RBM25: variants seen among roughly 807,000 people sequenced by gnomAD.
RBM25 encodes the protein RNA binding motif protein 25, also known as RNA-binding protein 25.
A neutral mutation model predicts 120.7 loss-of-function variants in RBM25; 19 were observed. That is an observed-to-expected ratio of 0.16 (90% confidence interval 0.11 to 0.23). The LOEUF (loss-of-function observed/expected upper bound fraction) is 0.23. Ranked by LOEUF, RBM25 falls within the 10% of genes least tolerant of loss-of-function variation. The probability of loss-of-function intolerance (pLI) is 1.00; values close to 1 mark genes in which losing one functional copy is unlikely to be tolerated. For missense variants in RBM25, 605 were observed against 1,041.5 expected, an observed-to-expected ratio of 0.58 and a Z score of 5.77; for synonymous variants, 390 against 326.7, an observed-to-expected ratio of 1.19 and a Z score of -2.09.
In RBM25 at chr14:73,096,008, C is replaced by T. The variant is rs554854262; in HGVS notation, c.544-907C>T. ...AATTATTATTATTGAGATGGAGTTT[C>T]GCTCTTTTGCCCAGGCTGGAGTGCA... On this transcript the variant is annotated intron_variant, in intron 6 of 18. Transcript: ENST00000261973. Among the ~76,000 whole-genome samples, 8 of 152,210 alleles carry T rather than the reference C, an allele frequency of 5.3e-5. No individual in the cohort carries two copies. In the East Asian group the frequency reaches 9.6e-4, roughly 18 times the overall value.
chr14:73,098,015 G>A (rs1304956060), intron 7 of RBM25, among the ~76,000 whole-genome samples: 1 of 152,174 alleles, frequency 6.6e-6, no homozygotes, highest in African/African-American at 2.4e-5. Context: ...TGTAGTCCCA[G>A]CAACTTGGGA....
At chr14:73,065,873 G>T (rs1895120667) in intron 1 of RBM25, among the ~76,000 whole-genome samples, 9 of 150,370 alleles carry the variant, frequency 6.0e-5, no homozygotes, top group Admixed American at 5.3e-4. Context: ...TAGTTTTTAA[G>T]CATTATTTAT....
At chr14:73,085,379 A>T (rs1355033071) in intron 5 of RBM25, among the ~76,000 whole-genome samples, 1 of 149,002 alleles carries the variant, frequency 6.7e-6, no homozygotes, top group Non-Finnish European at 1.5e-5. Context: ...TCTTTTTCAT[A>T]TATTAGTAGA....
chr14:73,098,959 A>G (rs1456377850), intron 7 of RBM25, among the ~76,000 whole-genome samples: 2 of 152,206 alleles, frequency 1.3e-5, no homozygotes, highest in Non-Finnish European at 1.5e-5. Flanking sequence ...TGGTAGGGTC[A>G]GTAAGGTACA....
Position 73,058,614 on chromosome 14 carries a change from C to T in RBM25, c.-107C>T, listed in dbSNP as rs1159209771. On this transcript the variant is annotated 5_prime_UTR_variant, in exon 1 of 19. Coordinates refer to ENST00000261973, the MANE Select transcript of RBM25 (RefSeq NM_021239.3). ...GCGCTTGGGCACTCAGTCTCCCTGG[C>T]GAGCGACGGGCAGAAATCTCGAACC... The T allele has an allele frequency of 2.6e-5, 4 of 152,152 alleles. No homozygotes were observed. Among genetic ancestry groups the T allele is most frequent in the Non-Finnish European group, 5.9e-5 (4 of 68,056 alleles). The allele number at this position is 152,152 out of a possible 1,614,324, so 9.4% of individuals were successfully genotyped here.
chr14:73,076,293 A>T (rs528812636), intron 2 of RBM25, 26 bp from the exon 3 acceptor site: 1 of 1,591,124 alleles, frequency 6.3e-7, no homozygotes, highest in African/African-American at 1.3e-5. Context: ...AGTCATGTAA[A>T]ATCAGTGTGG....
At chr14:73,077,738 G>T (rs1464903704) in intron 4 of RBM25, among the ~76,000 whole-genome samples, 2 of 152,104 alleles carry the variant, frequency 1.3e-5, no homozygotes, top group African/African-American at 4.8e-5. Flanking sequence ...ATGTACACAT[G>T]TGTACCACAC....
chr14:73,066,347 T>A (rs1478567454), intron 1 of RBM25, among the ~76,000 whole-genome samples: 1 of 151,946 alleles, frequency 6.6e-6, no homozygotes, highest in Non-Finnish European at 1.5e-5. Flanking sequence ...TATTAAATCC[T>A]CCTAAGGGCT....
rs1896544757 is a variant in RBM25, at chr14:73,121,733, T to G, written c.*1928T>G. The G allele has an allele frequency of 6.6e-6, 1 of 152,242 alleles. No individual in the cohort carries two copies. The highest frequency in any genetic ancestry group is 6.5e-5 in the Admixed American group (1 of 15,280). 9.4% of individuals were successfully genotyped at this position (152,242 alleles called of 1,614,324 possible). On this transcript the variant is annotated 3_prime_UTR_variant, in exon 19 of 19. Coordinates refer to ENST00000261973, the MANE Select transcript of RBM25 (RefSeq NM_021239.3). ...AACATGAAGGTTTATTCAGGTAGAT[T>G]TGATTTCCTTTGCTTCGTTTCTTCT...
intron 6 of RBM25, among the ~76,000 whole-genome samples, chr14:73,093,785 G>A (rs557162075): frequency 1.3e-5 from 2 of 152,102 alleles, no homozygotes; most frequent in East Asian, 3.9e-4. Context: ...GGGGTTATAG[G>A]TGTGAGCCAC....
chr14:73,089,475 C>T (rs1895761657), intron 6 of RBM25, among the ~76,000 whole-genome samples: 1 of 151,884 alleles, frequency 6.6e-6, no homozygotes, highest in South Asian at 2.1e-4. Context: ...CTGCCTCAGC[C>T]TCCTGAGTAG....
chr14:73,081,686 T>C (rs1895567785), intron 4 of RBM25, among the ~76,000 whole-genome samples: 1 of 152,172 alleles, frequency 6.6e-6, no homozygotes. Context: ...AAATCTGAAG[T>C]GCTTTTTATT....
intron 4 of RBM25, among the ~76,000 whole-genome samples, chr14:73,077,968 C>T (rs1016021433): frequency 2.0e-5 from 3 of 152,088 alleles, no homozygotes; most frequent in Non-Finnish European, 4.4e-5. Flanking sequence ...AGTTCGAGAC[C>T]AGCCTGGGCA....
At chr14:73,095,883 T>C (rs1380251048) in intron 6 of RBM25, among the ~76,000 whole-genome samples, 1 of 152,224 alleles carries the variant, frequency 6.6e-6, no homozygotes, top group East Asian at 1.9e-4. Context: ...TTAAAAACTT[T>C]GGGGCATGCA....
In RBM25 at chr14:73,111,810, G is replaced by A; in HGVS notation, c.2292+8G>A. On this transcript the variant is annotated splice_region_variant and intron_variant, in intron 16 of 18. Transcript: ENST00000261973. ...TGGTCTATTGTGGATTCTGTGAGTA[G>A]GAAATTATATTTCATCATATTATTG... The A allele has an allele frequency of 1.3e-6, 2 of 1,566,850 alleles. No individual in the cohort carries two copies. The highest frequency in any genetic ancestry group is 1.7e-6 in the Non-Finnish European group (2 of 1,162,020).
chr14:73,073,564 G>A (rs1188911494), intron 2 of RBM25, among the ~76,000 whole-genome samples: 1 of 152,030 alleles, frequency 6.6e-6, no homozygotes, highest in Non-Finnish European at 1.5e-5. Context: ...TGGCTCAGGC[G>A]TGAATCCCAG....
At chr14:73,100,094 G>T in intron 9 of RBM25, 1 of 468,600 alleles carries the variant, frequency 2.1e-6, no homozygotes. Context: ...TATTTCTGGG[G>T]GCAGTTATTT....
At chr14:73,066,145 A>AG (rs1895126996) in intron 1 of RBM25, among the ~76,000 whole-genome samples, 1 of 152,226 alleles carries the variant, frequency 6.6e-6, no homozygotes, top group African/African-American at 2.4e-5. Context: ...TTCTGTAAGT[A>AG]GGACAGTAGC....
rs1424879631 is a variant in RBM25, at chr14:73,121,242, T to C, written c.*1437T>C. ...ACCTGGAGAGGACATTTGAAAACACTGTTCTTACCCTCGAACCCTGATGTG... is the reference window on the plus strand; with the variant it reads ...ACCTGGAGAGGACATTTGAAAACACCGTTCTTACCCTCGAACCCTGATGTG... On this transcript the variant is annotated 3_prime_UTR_variant, in exon 19 of 19. Transcript: ENST00000261973. 2 of 152,542 alleles carry C rather than the reference T, an allele frequency of 1.3e-5. No individual in the cohort carries two copies. Among genetic ancestry groups the C allele is most frequent in the African/African-American group, 4.8e-5 (2 of 41,418 alleles). The allele number at this position is 152,542 out of a possible 1,614,324, so 9.4% of individuals were successfully genotyped here. A position where few individuals can be genotyped will look rare whatever the true frequency, so the allele number is the denominator to read the frequency against.
Sources: allele counts gnomAD v4.1 joint callset (sites outside exome capture counted in the v4.1 genomes callset), GRCh38; gene constraint gnomAD v4.1.1; transcripts MANE v1.5; gene names NCBI Gene and HGNC (gene_info 2026-07-23, HGNC 2026-07-21).